Variants in OVCH1 observed in about 807,000 individuals in gnomAD.
The protein encoded by OVCH1 is ovochymase-1.
A neutral mutation model predicts 138.4 loss-of-function variants in OVCH1; 139 were observed. The ratio of observed to expected loss-of-function variants is 1.00; its 90% CI spans 0.87 to 1.16. The LOEUF is 1.16. OVCH1 is among the 50% of genes most tolerant of loss of function. OVCH1 has a pLI of 0.00. For missense variants in OVCH1, 1,367 were observed against 1,357.9 expected, an observed-to-expected ratio of 1.01 and a Z score of -0.11; for synonymous variants, 453 against 467.8, an observed-to-expected ratio of 0.97 and a Z score of 0.41.
the OVCH1 span, among the ~76,000 whole-genome samples, chr12:29,405,895 A>G: frequency 3.3e-3 from 496 of 152,288 alleles, 2 homozygotes; most frequent in African/African-American, 0.012. Context: ...ATTCTGATTT[A>G]CTCTAGTCTA....
At chr12:29,487,713 A>G in exon 7 of OVCH1, 4 of 1,599,026 alleles carry the variant, frequency 2.5e-6, no homozygotes, top group Non-Finnish European at 3.4e-6. Flanking sequence ...GTTTTGAGTG[A>G]TAAAATCCAT....
chr12:29,419,530 A>C (rs1206313832), intron 3 of OVCH1, among the ~76,000 whole-genome samples: 1 of 151,632 alleles, frequency 6.6e-6, no homozygotes. Flanking sequence ...TCCTGACCTC[A>C]TGATCCACCT....
At chr12:29,451,422 G>A in exon 22 of OVCH1, 2 of 1,613,258 alleles carry the variant, frequency 1.2e-6, no homozygotes, top group Non-Finnish European at 1.7e-6. Flanking sequence ...CCCCAGGAGT[G>A]ACAGATACTC....
chr12:29,448,292 C>T (rs1017521149), intron 22 of OVCH1, among the ~76,000 whole-genome samples: 3 of 151,370 alleles, frequency 2.0e-5, no homozygotes, highest in Non-Finnish European at 4.4e-5. Flanking sequence ...TAGTTCCTAA[C>T]AGGCCATGAG....
intron 3 of OVCH1, among the ~76,000 whole-genome samples, chr12:29,420,271 A>G (rs924676254): frequency 1.1e-4 from 16 of 152,168 alleles, no homozygotes; most frequent in African/African-American, 3.4e-4. Context: ...AGAACTTTCT[A>G]TATTTATTTT....
At position 29,454,839 on chromosome 12, in the gene OVCH1, A is replaced by G. The variant is rs1428511896; in HGVS notation, c.2530+2T>C. 6.2e-7 allele frequency: 1 copy of G among 1,601,122 alleles called. No individual in the cohort carries two copies. Among genetic ancestry groups the G allele is most frequent in the Non-Finnish European group, 8.6e-7 (1 of 1,168,932 alleles). ...TAATGGGATAATGTAAACATTTATT[A>G]CCTGGCCAAGATGCACTGTCTGGTG... On this transcript the variant is annotated splice_donor_variant, in intron 21 of 27. Coordinates refer to ENST00000318184, the Ensembl canonical transcript of OVCH1. LOFTEE classifies it high-confidence loss of function.
At chr12:29,475,279 CTACTT>C in intron 13 of OVCH1, 90 bp from the exon 14 acceptor site, 3 of 1,101,636 alleles carry the variant, frequency 2.7e-6, no homozygotes, top group Non-Finnish European at 3.7e-6. Context: ...TTCTAATCAA[CTACTT>C]TAGTTTTCTC....
At chr12:29,405,319 A>ACTCG in the OVCH1 span, among the ~76,000 whole-genome samples, 6 of 75,244 alleles carry the variant, frequency 8.0e-5, no homozygotes, top group Non-Finnish European at 1.7e-4. Flanking sequence ...AAACTCCCAG[A>ACTCG]CTCATCAATG....
At chr12:29,439,042 G>A (rs1163830796) in intron 26 of OVCH1, among the ~76,000 whole-genome samples, 1 of 152,132 alleles carries the variant, frequency 6.6e-6, no homozygotes, top group Non-Finnish European at 1.5e-5. Context: ...ATCTCCACTA[G>A]GAGGGCAGAA....
chr12:29,493,067 A>G (rs1943315202), intron 4 of OVCH1, among the ~76,000 whole-genome samples: 2 of 152,206 alleles, frequency 1.3e-5, no homozygotes, highest in African/African-American at 4.8e-5. Flanking sequence ...ATCCACTTAA[A>G]TGTGGAACAG....
chr12:29,492,341 T>A (rs565902905), intron 4 of OVCH1, among the ~76,000 whole-genome samples: 2 of 147,766 alleles, frequency 1.4e-5, no homozygotes, highest in Non-Finnish European at 3.0e-5. Context: ...AAAAAAAAAA[T>A]AAACAAATCA....
chr12:29,443,274 G>A, intron 25 of OVCH1, 87 bp downstream of exon 25: 1 of 1,341,560 alleles, frequency 7.5e-7, no homozygotes. Context: ...TATGTCACAT[G>A]TAAGCCACAT....
chr12:29,436,012 A>C (rs554929038), intron 26 of OVCH1, among the ~76,000 whole-genome samples: 1 of 152,140 alleles, frequency 6.6e-6, no homozygotes, highest in Non-Finnish European at 1.5e-5. Flanking sequence ...CCTGTATTTC[A>C]TTTACTTTTT....
At chr12:29,486,221 C>G in intron 8 of OVCH1, 29 bp downstream of exon 8, 1 of 1,577,226 alleles carries the variant, frequency 6.3e-7, no homozygotes, top group Non-Finnish European at 8.7e-7. Context: ...TTCAAGTCAG[C>G]TTCCTTCTCT....
intron 3 of OVCH1, among the ~76,000 whole-genome samples, chr12:29,415,996 CACTT>C (rs1941026033): frequency 6.6e-6 from 1 of 151,170 alleles, no homozygotes; most frequent in African/African-American, 2.4e-5. Context: ...CAAATATGCT[CACTT>C]TATTTATGGC....
the OVCH1 span, among the ~76,000 whole-genome samples, chr12:29,404,015 A>G: frequency 6.6e-6 from 1 of 152,258 alleles, no homozygotes; most frequent in Non-Finnish European, 1.5e-5. Context: ...TTAATATTGA[A>G]TGTACAAACA....
chr12:29,443,603 AGCCTTAT>A, intron 24 of OVCH1, 103 bp from the exon 25 acceptor site: 1 of 1,171,316 alleles, frequency 8.5e-7, no homozygotes, highest in Non-Finnish European at 1.2e-6. Context: ...ACCCCCAGTG[AGCCTTAT>A]TTTTTGTGTC....
intron 8 of OVCH1, among the ~76,000 whole-genome samples, chr12:29,479,824 CTTTTTTTTTTTT>C (rs34551074): frequency 7.8e-6 from 1 of 128,384 alleles, no homozygotes; most frequent in South Asian, 2.6e-4. Flanking sequence ...TCTTTTTTTT[CTTTTTTTTTTTT>C]TTTTTGAGAC....
intron 27 of OVCH1, chr12:29,430,928 CCT>C (rs1176004705): frequency 1.9e-6 from 1 of 517,456 alleles, no homozygotes; most frequent in East Asian, 5.5e-5. Flanking sequence ...CCAGAGTACC[CCT>C]GTGAGTCCAG....
Sources: gnomAD v4.1 joint callset for allele counts (sites outside exome capture counted in the v4.1 genomes callset) on GRCh38, gnomAD v4.1.1 for gene constraint, MANE v1.5 for transcripts, NCBI Gene and HGNC (gene_info 2026-07-23, HGNC 2026-07-21) for gene names.